SS18: variants seen among roughly 807,000 people sequenced by gnomAD.
SS18 encodes the protein SS18 subunit of BAF chromatin remodeling complex.
A neutral mutation model predicts 72.5 loss-of-function variants in SS18; 28 were observed. The ratio of observed to expected loss-of-function variants is 0.39; its 90% CI spans 0.29 to 0.53. The LOEUF is 0.53. SS18 is among the 20% of genes least tolerant of loss of function. The pLI, the probability that SS18 is intolerant of heterozygous loss-of-function variation, is 0.76. For missense variants in SS18, 518 were observed against 535.3 expected (o/e 0.97, Z 0.32); for synonymous variants, 172 against 164.2 (o/e 1.05, Z -0.37).
At chr18:26,066,620 A>C (rs886933569) in intron 3 of SS18, among the ~76,000 whole-genome samples, 1 of 151,936 alleles carries the variant, frequency 6.6e-6, no homozygotes, top group Non-Finnish European at 1.5e-5. Context: ...ACACACACAC[A>C]CACACACACA....
chr18:26,081,895 G>A (rs1197019794), intron 2 of SS18, among the ~76,000 whole-genome samples: 3 of 151,796 alleles, frequency 2.0e-5, no homozygotes, highest in Non-Finnish European at 4.4e-5. Context: ...CTATCCCTAC[G>A]AAAAAGTGAA....
rs1461033139 is a variant in SS18, at chr18:26,016,416, C to G, written c.*1938G>C. On this transcript the variant is annotated 3_prime_UTR_variant, in exon 11 of 11. Transcript: ENST00000415083. ...AACTTGATGTCCATTTTCTACTGAT[C>G]AAGTTGAAAGAAAAAACCTATTCTG... 2 of 182,550 alleles carry G rather than the reference C, an allele frequency of 1.1e-5. No individual in the cohort carries two copies. The highest frequency in any genetic ancestry group is 2.3e-5 in the Non-Finnish European group (2 of 85,538). The allele number at this position is 182,550 out of a possible 1,614,324, so 11.3% of individuals were successfully genotyped here. A position where few individuals can be genotyped will look rare whatever the true frequency, so the allele number is the denominator to read the frequency against.
At position 26,090,600 on chromosome 18, in the gene SS18, C is replaced by T. The variant is rs544093155; in HGVS notation, c.-31G>A. The T allele has an allele frequency of 6.4e-7, 1 of 1,556,898 alleles. No individual in the cohort carries two copies. Among genetic ancestry groups the T allele is most frequent in the Non-Finnish European group, 8.7e-7 (1 of 1,151,222 alleles). Reference sequence around the variant, plus strand: ...CGCCGTCACCACTATCGGCAAGTCCCGAGCGCTCCGGGTGAACGGCAAACT... The same window carrying T: ...CGCCGTCACCACTATCGGCAAGTCCTGAGCGCTCCGGGTGAACGGCAAACT... On this transcript the variant is annotated 5_prime_UTR_variant, in exon 1 of 11. Transcript: ENST00000415083.
intron 10 of SS18, 75 bp downstream of exon 10, chr18:26,032,324 A>C (rs2053557267): frequency 6.4e-6 from 10 of 1,550,630 alleles, no homozygotes; most frequent in African/African-American, 1.4e-5. Flanking sequence ...AAGTTAAATA[A>C]ATTTTAAAAA....
chr18:26,061,725 G>A lies in SS18; in HGVS notation c.232-3983C>T, dbSNP rs559117192. The stretch of plus-strand genomic sequence containing the variant: ...CTAAGAAAAAAATACCTTCTAACAT[G>A]AAGATGAAATAAAAATAAGTTTAGA... On this transcript the variant is annotated intron_variant, in intron 3 of 10. Coordinates refer to ENST00000415083, the MANE Select transcript of SS18 (RefSeq NM_001007559.3). 2.0e-5 allele frequency among the ~76,000 whole-genome samples: 3 copies of A among 151,694 alleles called. No individual in the cohort carries two copies. The South Asian group carries it at 6.2e-4, about 32-fold the overall frequency.
intron 1 of SS18, among the ~76,000 whole-genome samples, 181 bp downstream of exon 1, chr18:26,090,320 G>C (rs1178448422): frequency 6.6e-6 from 1 of 152,160 alleles, no homozygotes; most frequent in Admixed American, 6.5e-5. Context: ...AGAAAAACCG[G>C]TTCACCCTCT....
At chr18:26,060,955 CAA>C (rs768913124) in intron 3 of SS18, among the ~76,000 whole-genome samples, 6 of 91,768 alleles carry the variant, frequency 6.5e-5, no homozygotes, top group Admixed American at 1.1e-4. Context: ...AACTTTGTCT[CAA>C]AAAAAAAAAA....
chr18:26,039,688 G>A (rs2053690817), intron 5 of SS18, among the ~76,000 whole-genome samples: 1 of 152,172 alleles, frequency 6.6e-6, no homozygotes, highest in African/African-American at 2.4e-5. Flanking sequence ...TCCACTGGAA[G>A]ATGATTCTTA....
intron 5 of SS18, among the ~76,000 whole-genome samples, chr18:26,040,253 G>A (rs192372493): frequency 2.6e-5 from 4 of 152,276 alleles, no homozygotes; most frequent in African/African-American, 9.6e-5. Context: ...TATCACACTG[G>A]CAACAGTAAA....
At chr18:26,080,413 T>TATC in intron 2 of SS18, 5 of 985,312 alleles carry the variant, frequency 5.1e-6, no homozygotes, top group Non-Finnish European at 6.0e-6. Flanking sequence ...AGATGTGGTT[T>TATC]ATTCATGACC....
intron 3 of SS18, among the ~76,000 whole-genome samples, chr18:26,077,575 G>T (rs1490501186): frequency 4.6e-5 from 7 of 152,136 alleles, no homozygotes; most frequent in Admixed American, 4.6e-4. Flanking sequence ...AAAATTTAGA[G>T]TTTTTAATCG....
chr18:26,019,614 C>T (rs1211165006), intron 10 of SS18, among the ~76,000 whole-genome samples: 2 of 151,774 alleles, frequency 1.3e-5, no homozygotes, highest in East Asian at 3.9e-4. Context: ...AGTTCGAGAC[C>T]AGCCTGACTA....
chr18:26,081,066 G>T lies in SS18; in HGVS notation c.147-2906C>A, dbSNP rs1278936965. Among the ~76,000 whole-genome samples, 13 of 137,832 alleles carry T rather than the reference G, an allele frequency of 9.4e-5. No individual in the cohort carries two copies. The Admixed American group carries it at 9.9e-4, about 11-fold the overall frequency. The allele number at this position is 137,832 out of a possible 152,430, so 90.4% of individuals were successfully genotyped here. A position where few individuals can be genotyped will look rare whatever the true frequency, so the allele number is the denominator to read the frequency against. On this transcript the variant is annotated intron_variant, in intron 2 of 10. Coordinates refer to ENST00000415083, the MANE Select transcript of SS18 (RefSeq NM_001007559.3). ...ATTTTCAGTCCGCAGTCCGGCCTGGGCGACAGAGCGAGACTCCGTCTCAAA... is the reference window on the plus strand; with the variant it reads ...ATTTTCAGTCCGCAGTCCGGCCTGGTCGACAGAGCGAGACTCCGTCTCAAA...
Position 26,052,758 on chromosome 18 carries a change from C to T in SS18, c.473G>A (p.Gly158Glu), listed in dbSNP as rs1250466788. Reference sequence around the variant, plus strand: ...AGAATGGTTGTAACCTCCCATGGATCCATGGCTACTTGAAGGCATATTCAT... The same window carrying T: ...AGAATGGTTGTAACCTCCCATGGATTCATGGCTACTTGAAGGCATATTCAT... The part of the protein sequence containing the change: ...SSMNMPSSSH[G>E]SMGGYNHSVP... Residue 158 changes from glycine (G) to glutamate (E), a missense_variant, in exon 5 of 11, where the codon GGA (glycine) becomes GAA (glutamate). Coordinates refer to ENST00000415083, the MANE Select transcript of SS18 (RefSeq NM_001007559.3). The T allele has an allele frequency of 5.0e-6, 8 of 1,614,120 alleles. No individual in the cohort carries two copies. Among genetic ancestry groups the T allele is most frequent in the Non-Finnish European group, 6.8e-6 (8 of 1,180,002 alleles).
chr18:26,068,450 T>C (rs574673399), intron 3 of SS18: 2 of 152,334 alleles, frequency 1.3e-5, no homozygotes, highest in Non-Finnish European at 2.9e-5. Flanking sequence ...ATAACAAAGT[T>C]ACCTATGCTA....
intron 10 of SS18, among the ~76,000 whole-genome samples, chr18:26,025,432 G>T (rs1325478574): frequency 2.0e-5 from 3 of 151,982 alleles, no homozygotes; most frequent in African/African-American, 4.8e-5. Flanking sequence ...ATAAAATCGA[G>T]CTGCTTTTTG....
chr18:26,085,218 G>A (rs2054595896), intron 2 of SS18, among the ~76,000 whole-genome samples: 1 of 152,158 alleles, frequency 6.6e-6, no homozygotes, highest in Admixed American at 6.5e-5. Flanking sequence ...GCGGCGTTAA[G>A]TAGAAACAGT....
chr18:26,039,470 C>A lies in SS18; in HGVS notation c.608-14G>T, dbSNP rs769986700. The A allele has an allele frequency of 2.5e-6, 4 of 1,581,962 alleles. No individual in the cohort carries two copies. In the East Asian group the frequency reaches 6.7e-5, roughly 27 times the overall value. On this transcript the variant is annotated splice_polypyrimidine_tract_variant and intron_variant, in intron 5 of 10. Coordinates refer to ENST00000415083, the MANE Select transcript of SS18 (RefSeq NM_001007559.3). ...GCATCATTGGACCTGAAACAAGACA[C>A]AACATTATACACATAATTTTTTGTA...
At chr18:26,039,598 A>G (rs979291298) in intron 5 of SS18, 142 bp from the exon 6 acceptor site, 16 of 758,436 alleles carry the variant, frequency 2.1e-5, no homozygotes, top group Non-Finnish European at 2.9e-5. Context: ...AATAAAAATA[A>G]GTCTTTGAAT....
Sources: allele counts gnomAD v4.1 joint callset (sites outside exome capture counted in the v4.1 genomes callset), GRCh38; gene constraint gnomAD v4.1.1; transcripts MANE v1.5; gene names NCBI Gene and HGNC (gene_info 2026-07-23, HGNC 2026-07-21).